PGR: variants seen among roughly 807,000 people sequenced by gnomAD.
PGR encodes the protein nuclear receptor subfamily 3 group C member 3.
A neutral mutation model predicts 76.1 loss-of-function variants in PGR; 25 were observed. That is an observed-to-expected ratio of 0.33 (90% CI 0.24 to 0.46). PGR has a LOEUF of 0.46. PGR is among the 20% of genes least tolerant of loss of function. The probability of loss-of-function intolerance (pLI) is 1.00; values close to 1 mark genes in which losing one functional copy is unlikely to be tolerated. For missense variants in PGR, 1,172 were observed against 1,225.3 expected, an observed-to-expected ratio of 0.96 and a Z score of 0.65; for synonymous variants, 579 against 535.0, an observed-to-expected ratio of 1.08 and a Z score of -1.14.
At chr11:101,098,009 C>T (rs1327107467) in intron 2 of PGR, among the ~76,000 whole-genome samples, 4 of 152,042 alleles carry the variant, frequency 2.6e-5, no homozygotes, top group African/African-American at 7.2e-5. Flanking sequence ...ATCTCCTGAC[C>T]TTGTGATCCT....
At chr11:101,125,574 C>T (rs527940769) in intron 2 of PGR, among the ~76,000 whole-genome samples, 1 of 152,182 alleles carries the variant, frequency 6.6e-6, no homozygotes, top group African/African-American at 2.4e-5. Flanking sequence ...GATATATGTT[C>T]GTGTATGTAC....
At chr11:101,122,948 T>C (rs1227062790) in intron 2 of PGR, among the ~76,000 whole-genome samples, 1 of 152,206 alleles carries the variant, frequency 6.6e-6, no homozygotes, top group Non-Finnish European at 1.5e-5. Flanking sequence ...GGATTCACTT[T>C]TACCTTCCTA....
intron 4 of PGR, among the ~76,000 whole-genome samples, chr11:101,062,126 A>G (rs892664605): frequency 6.6e-6 from 1 of 152,210 alleles, no homozygotes; most frequent in Non-Finnish European, 1.5e-5. Context: ...GCATTTATAA[A>G]AAATGGTCCA....
intron 7 of PGR, among the ~76,000 whole-genome samples, chr11:101,040,006 C>G (rs11571265): frequency 4.5e-4 from 69 of 152,152 alleles, no homozygotes; most frequent in African/African-American, 1.4e-3. Context: ...TCTCTTCTCC[C>G]CAGAGAGAGC....
At chr11:101,090,079 T>C (rs562366675) in intron 3 of PGR, among the ~76,000 whole-genome samples, 1 of 152,194 alleles carries the variant, frequency 6.6e-6, no homozygotes, top group African/African-American at 2.4e-5. Context: ...GTGCCTATGA[T>C]ACCAGCTACT....
Position 101,128,147 on chromosome 11 carries a change from G to A in PGR, c.924C>T (p.Ile308=), listed in dbSNP as rs1452690650. The change falls in exon 1 of 8, where the codon ATC becomes ATT. Residue 308 remains isoleucine (I), a synonymous_variant. Transcript: ENST00000325455. ...TTVMDFIHVP[I]LPLNHALLAA... ...CCAATAAGGCGTGATTGAGAGGCAG[G>A]ATAGGCACGTGGATGAAATCCATCA... 5 of 1,598,398 alleles carry A rather than the reference G, an allele frequency of 3.1e-6. No homozygotes were observed. The East Asian group carries it at 1.1e-4, about 36-fold the overall frequency.
chr11:101,037,519 T>C lies in PGR; in HGVS notation c.*1597A>G, dbSNP rs1859550642. On this transcript the variant is annotated 3_prime_UTR_variant, in exon 8 of 8. Coordinates refer to ENST00000325455, the MANE Select transcript of PGR (RefSeq NM_000926.4). ...AAGGCTACATAAACATAAGAAATAA[T>C]TGTTTTGTGGAATTTTGCTTAGGGA... 5 of 227,350 alleles carry C rather than the reference T, an allele frequency of 2.2e-5. No homozygotes were observed. Among genetic ancestry groups the C allele is most frequent in the Non-Finnish European group, 4.4e-5 (5 of 114,436 alleles). The allele number at this position is 227,350 out of a possible 1,614,324, so 14.1% of individuals were successfully genotyped here.
intron 2 of PGR, among the ~76,000 whole-genome samples, chr11:101,117,582 T>A (rs2135496190): frequency 6.6e-6 from 1 of 152,180 alleles, no homozygotes; most frequent in South Asian, 2.1e-4. Flanking sequence ...ACCTCCATCA[T>A]CTTTCCATAC....
rs71476661 is a variant in PGR, at chr11:101,083,778, A to C, written c.1906+7982T>G. Among the ~76,000 whole-genome samples the C allele has an allele frequency of 3.9e-5, 6 of 152,040 alleles. No individual in the cohort carries two copies. In the East Asian group the frequency reaches 1.2e-3, roughly 29 times the overall value. On this transcript the variant is annotated intron_variant, in intron 3 of 7. Coordinates refer to ENST00000325455, the MANE Select transcript of PGR (RefSeq NM_000926.4). ...TGCCCATACCCCTATTGTATCTTGG[A>C]AGTAACTAACTTGTTTTTGATATTA... is the stretch of plus-strand genomic sequence containing the variant.
intron 3 of PGR, among the ~76,000 whole-genome samples, chr11:101,091,496 T>C (rs534223274): frequency 6.6e-6 from 1 of 152,188 alleles, no homozygotes; most frequent in African/African-American, 2.4e-5. Flanking sequence ...GACAGGTCAG[T>C]ACATTGCCCA....
chr11:101,049,994 A>G lies in PGR; in HGVS notation c.2423T>C (p.Phe808Ser). 1 of 1,612,656 alleles carries G rather than the reference A, an allele frequency of 6.2e-7. No homozygotes were observed. Among genetic ancestry groups the G allele is most frequent in the Non-Finnish European group, 8.5e-7 (1 of 1,179,058 alleles). The change falls in exon 6 of 8, where the codon TTT becomes TCT. Residue 808 changes from phenylalanine (F) to serine (S), a missense_variant. Around this residue, in one of 4 missense-constraint regions of PGR, gnomAD observed 166 missense variants for 296.0 expected, o/e 0.56. Transcript: ENST00000325455. ...CLTMWQIPQE[F>S]VKLQVSQEEF... is the part of the protein sequence containing the mutation. ...TTCTTGGCTAACTTGAAGCTTGACA[A>G]ACTCCTGTGGGATCTGCCACATGGT...
Position 101,036,764 on chromosome 11 carries a change from C to T in PGR, c.*2352G>A, listed in dbSNP as rs1403767641. The T allele has an allele frequency of 1.0e-5, 2 of 198,364 alleles. No homozygotes were observed. Among genetic ancestry groups the T allele is most frequent in the Non-Finnish European group, 1.0e-5 (1 of 95,750 alleles). 12.3% of individuals were successfully genotyped at this position (198,364 alleles called of 1,614,324 possible). A position where few individuals can be genotyped will look rare whatever the true frequency, so the allele number is the denominator to read the frequency against. On this transcript the variant is annotated 3_prime_UTR_variant, in exon 8 of 8. Coordinates refer to ENST00000325455, the MANE Select transcript of PGR (RefSeq NM_000926.4). ...ACAAAAGCCAAACCTGTGGCCACCACATTCTATTCCCTCATAGTTGAGTGA... is the reference window on the plus strand; with the variant it reads ...ACAAAAGCCAAACCTGTGGCCACCATATTCTATTCCCTCATAGTTGAGTGA...
At chr11:101,101,019 T>C (rs1008911716) in intron 2 of PGR, among the ~76,000 whole-genome samples, 3 of 152,168 alleles carry the variant, frequency 2.0e-5, no homozygotes, top group Admixed American at 6.5e-5. Flanking sequence ...TCACATGTAA[T>C]ATAATTTTCA....
chr11:101,090,863 C>A (rs533107440), intron 3 of PGR, among the ~76,000 whole-genome samples: 1 of 152,144 alleles, frequency 6.6e-6, no homozygotes, highest in Non-Finnish European at 1.5e-5. Flanking sequence ...CAGTTGTATA[C>A]GCTTTAAACT....
chr11:101,060,921 G>A (rs969579984), intron 4 of PGR, among the ~76,000 whole-genome samples: 2 of 152,068 alleles, frequency 1.3e-5, no homozygotes, highest in Non-Finnish European at 2.9e-5. Flanking sequence ...GGTTAAAAAG[G>A]TCACTTAGCT....
intron 3 of PGR, among the ~76,000 whole-genome samples, chr11:101,081,414 G>A (rs1291993469): frequency 6.7e-6 from 1 of 150,034 alleles, no homozygotes; most frequent in African/African-American, 2.4e-5. Flanking sequence ...GTGTGACACA[G>A]TAAGGCTCCA....
chr11:101,112,036 G>A (rs1862360735), intron 2 of PGR, among the ~76,000 whole-genome samples: 1 of 152,126 alleles, frequency 6.6e-6, no homozygotes, highest in Admixed American at 6.5e-5. Context: ...GCAGGAAGGT[G>A]GAGTGATCAA....
chr11:101,124,410 G>A (rs373108042), intron 2 of PGR, among the ~76,000 whole-genome samples: 7 of 152,152 alleles, frequency 4.6e-5, no homozygotes, highest in South Asian at 2.1e-4. Context: ...ATTTACAAGC[G>A]CTGCAATGTA....
At chr11:101,096,173 G>A (rs574456541) in intron 2 of PGR, among the ~76,000 whole-genome samples, 1 of 152,258 alleles carries the variant, frequency 6.6e-6, no homozygotes, top group Admixed American at 6.5e-5. Flanking sequence ...TGAGTTGGAA[G>A]GATAATTTTT....
Sources: allele counts gnomAD v4.1 joint callset (sites outside exome capture counted in the v4.1 genomes callset), GRCh38; gene constraint gnomAD v4.1.1; regional missense constraint gnomAD v4.1.1; transcripts MANE v1.5; gene names NCBI Gene and HGNC (gene_info 2026-07-23, HGNC 2026-07-21).